Variants in SRGAP2 observed in about 807,000 individuals in gnomAD.
The protein encoded by SRGAP2 is SLIT-ROBO Rho GTPase activating protein 2.
A neutral mutation model predicts 57.2 loss-of-function variants in SRGAP2; 15 were observed. The ratio of observed to expected loss-of-function variants is 0.26; its 90% CI spans 0.18 to 0.40. SRGAP2 has a LOEUF of 0.40. Ranked by LOEUF, SRGAP2 falls within the 10% of genes least tolerant of loss-of-function variation. The pLI is 1.00. For synonymous variants in SRGAP2, 249 were observed against 248.0 expected (o/e 1.00, Z -0.04); for missense variants, 520 against 669.6 (o/e 0.78, Z 2.47).
chr1:206,358,465 C>G (rs1676631936), intron 4 of SRGAP2, among the ~76,000 whole-genome samples: 1 of 151,034 alleles, frequency 6.6e-6, no homozygotes, highest in Non-Finnish European at 1.5e-5. Flanking sequence ...ATCCAGTCTC[C>G]AACTTTAATC....
chr1:206,230,066 G>A (rs532112534), intron 2 of SRGAP2, among the ~76,000 whole-genome samples: 56 of 152,092 alleles, frequency 3.7e-4, no homozygotes, highest in Middle Eastern at 3.4e-3. Flanking sequence ...AAGAAAAAAA[G>A]GTTTCTCTGC....
chr1:206,359,796 C>CCCTT (rs1558345475), intron 4 of SRGAP2, among the ~76,000 whole-genome samples: 6 of 103,654 alleles, frequency 5.8e-5, no homozygotes, highest in African/African-American at 2.4e-4. Flanking sequence ...AGGGATATTG[C>CCCTT]TCTTTTTTTT....
chr1:206,260,373 AT>A, intron 2 of SRGAP2, among the ~76,000 whole-genome samples: 1 of 151,972 alleles, frequency 6.6e-6, no homozygotes, highest in East Asian at 1.9e-4. Context: ...TAAATTTAAA[AT>A]ATGAAAAAAA....
intron 4 of SRGAP2, among the ~76,000 whole-genome samples, chr1:206,373,025 CTTTT>C (rs1654837678): frequency 4.0e-5 from 4 of 100,930 alleles, no homozygotes; most frequent in Admixed American, 1.2e-4. Context: ...TTCTTTCTTT[CTTTT>C]CTTTCTCTCT....
chr1:206,262,426 A>G (rs1158826755), intron 2 of SRGAP2, among the ~76,000 whole-genome samples: 5 of 146,050 alleles, frequency 3.4e-5, no homozygotes, highest in African/African-American at 1.3e-4. Context: ...ATAGTTTTGG[A>G]GCAAAGGAAG....
chr1:206,431,471 T>C (rs1325186827), intron 14 of SRGAP2, among the ~76,000 whole-genome samples: 1 of 152,166 alleles, frequency 6.6e-6, no homozygotes, highest in Non-Finnish European at 1.5e-5. Context: ...TGATTAACAG[T>C]CAAACAGTTT....
intron 5 of SRGAP2, among the ~76,000 whole-genome samples, chr1:206,385,983 A>T (rs1553348354): frequency 6.6e-6 from 1 of 152,234 alleles, no homozygotes. Context: ...GAAAGAGGGA[A>T]AAAAAAGAGT....
intron 2 of SRGAP2, among the ~76,000 whole-genome samples, chr1:206,293,162 A>G (rs1276718825): frequency 6.6e-6 from 1 of 152,088 alleles, no homozygotes; most frequent in East Asian, 1.9e-4. Context: ...GAGAGTGGAC[A>G]TGTTTGAACT....
intron 3 of SRGAP2, among the ~76,000 whole-genome samples, chr1:206,304,068 C>CTAGG (rs1214169003): frequency 6.6e-6 from 1 of 152,144 alleles, no homozygotes; most frequent in African/African-American, 2.4e-5. Flanking sequence ...AAATCCCTGT[C>CTAGG]TAGGTAGCTG....
At chr1:206,418,666 A>AT (rs566865232) in intron 11 of SRGAP2, among the ~76,000 whole-genome samples, 2 of 152,086 alleles carry the variant, frequency 1.3e-5, no homozygotes, top group African/African-American at 4.8e-5. Context: ...TTTCAGTTTC[A>AT]TTTTTTTAAA....
intron 4 of SRGAP2, among the ~76,000 whole-genome samples, chr1:206,372,960 CTTTCCTTTCTTTCTTTCTTTCTTT>C (rs1654752477): frequency 0.025 from 448 of 18,014 alleles, 46 homozygotes; most frequent in African/African-American, 0.045. Context: ...TCTTTCTTTT[CTTTCCTTTCTTTCTTTCTTTCTTT>C]CTTTCTTTCT....
chr1:206,337,233 T>C (rs1674844153), intron 3 of SRGAP2, among the ~76,000 whole-genome samples: 1 of 140,630 alleles, frequency 7.1e-6, no homozygotes, highest in Non-Finnish European at 1.5e-5. Flanking sequence ...CCTTGTCCCT[T>C]AGGGAAAGGA....
chr1:206,355,893 G>A (rs1676393945), intron 4 of SRGAP2, among the ~76,000 whole-genome samples: 1 of 151,996 alleles, frequency 6.6e-6, no homozygotes, highest in Admixed American at 6.6e-5. Flanking sequence ...CTTGAACCTG[G>A]GAGGCAGAGG....
At chr1:206,455,176 G>A (rs1429331116) in intron 21 of SRGAP2, 152 bp downstream of exon 21, 4 of 712,740 alleles carry the variant, frequency 5.6e-6, no homozygotes, top group African/African-American at 1.7e-5. Flanking sequence ...GCTGCTGCAA[G>A]GCGGACAGGG....
At chr1:206,259,759 T>C (rs1168011450) in intron 2 of SRGAP2, among the ~76,000 whole-genome samples, 1 of 149,790 alleles carries the variant, frequency 6.7e-6, no homozygotes, top group African/African-American at 2.4e-5. Context: ...TTGTTAAATA[T>C]TAATAAATTT....
intron 21 of SRGAP2, chr1:206,455,397 C>G (rs1408472365): frequency 7.5e-6 from 2 of 265,860 alleles, no homozygotes; most frequent in African/African-American, 4.6e-5. Context: ...TTTTTCCAAT[C>G]CATACTCAAA....
At chr1:206,239,992 A>G (rs551330524) in intron 2 of SRGAP2, among the ~76,000 whole-genome samples, 1 of 151,786 alleles carries the variant, frequency 6.6e-6, no homozygotes, top group South Asian at 2.1e-4. Flanking sequence ...TGGGCCAGGC[A>G]CGGTGGCTCA....
At chr1:206,393,470 T>C in intron 6 of SRGAP2, 75 bp from the exon 7 acceptor site, 1 of 683,350 alleles carries the variant, frequency 1.5e-6, no homozygotes, top group Non-Finnish European at 2.7e-6. Flanking sequence ...TTGAATACAC[T>C]GTACTTTTAT....
chr1:206,445,919 C>T (rs2103358621), intron 17 of SRGAP2, among the ~76,000 whole-genome samples, 156 bp from the exon 18 acceptor site: 1 of 152,250 alleles, frequency 6.6e-6, no homozygotes, highest in East Asian at 1.9e-4. Flanking sequence ...TCAGTTTTCT[C>T]CCCAGCTTAC....
Sources: allele counts gnomAD v4.1 joint callset (sites outside exome capture counted in the v4.1 genomes callset), GRCh38; gene constraint gnomAD v4.1.1; transcripts MANE v1.5; gene names NCBI Gene and HGNC (gene_info 2026-07-23, HGNC 2026-07-21).